PPP2R2A: variants seen among roughly 807,000 people sequenced by gnomAD.
The protein encoded by PPP2R2A is protein phosphatase 2 regulatory subunit Balpha.
In PPP2R2A, 9 loss-of-function variants were observed where a neutral mutation model predicts 53.2. The observed-to-expected ratio is 0.17, with a 90% CI of 0.10 to 0.30. The LOEUF (loss-of-function observed/expected upper bound fraction) is 0.30. Among genes scored for constraint, PPP2R2A ranks in the 10% least tolerant of loss-of-function variants. The pLI, the probability that PPP2R2A is intolerant of heterozygous loss-of-function variation, is 1.00. For missense variants in PPP2R2A, 235 were observed against 534.6 expected (o/e 0.44, Z 5.53); for synonymous variants, 169 against 174.2 (o/e 0.97, Z 0.23).
At chr8:26,340,266 T>C (rs1159350693) in intron 3 of PPP2R2A, among the ~76,000 whole-genome samples, 1 of 151,976 alleles carries the variant, frequency 6.6e-6, no homozygotes, top group African/African-American at 2.4e-5. Context: ...AGTCAAGATA[T>C]AAATAGATTA....
chr8:26,329,908 T>C (rs1803282054), intron 2 of PPP2R2A, among the ~76,000 whole-genome samples: 1 of 152,214 alleles, frequency 6.6e-6, no homozygotes, highest in Non-Finnish European at 1.5e-5. Context: ...TTTTGAGTTG[T>C]GGGTACCATA....
At position 26,321,075 on chromosome 8, in the gene PPP2R2A, TAACTA is replaced by T. The variant is rs1196981492; in HGVS notation, c.83-17807_83-17803del. 6.6e-6 allele frequency among the ~76,000 whole-genome samples: 1 copy of T among 152,164 alleles called. No homozygotes were observed. Among genetic ancestry groups the T allele is most frequent in the African/African-American group, 2.4e-5 (1 of 41,430 alleles). On this transcript the variant is annotated intron_variant, in intron 2 of 9. Transcript: ENST00000380737. This position sits in a 1 kb window ranked among gnomAD's most constrained non-coding sequence, Gnocchi z 4.1. ...CCTTGGAAACCCTGGAACGGTGCCA[TAACTA>T]AACTAAAAAAATTTTAGCAGGAAAC...
At chr8:26,299,346 A>G (rs1801681064) in intron 2 of PPP2R2A, among the ~76,000 whole-genome samples, 3 of 152,272 alleles carry the variant, frequency 2.0e-5, no homozygotes, top group Non-Finnish European at 1.5e-5. Context: ...AGTAATCTTA[A>G]AATATCAGAT....
chr8:26,304,615 C>T (rs1341027841), intron 2 of PPP2R2A, among the ~76,000 whole-genome samples: 2 of 152,208 alleles, frequency 1.3e-5, no homozygotes, highest in South Asian at 2.1e-4. Context: ...TTCCTGCTTA[C>T]CACAAGGTAA....
At chr8:26,340,767 TGTA>T (rs1398474676) in intron 3 of PPP2R2A, among the ~76,000 whole-genome samples, 4 of 152,122 alleles carry the variant, frequency 2.6e-5, no homozygotes, top group East Asian at 1.9e-4. Context: ...GGTTTAGTAA[TGTA>T]GTCAGAATAT....
Position 26,354,365 on chromosome 8 carries a change from A to G in PPP2R2A, c.181-103A>G. On this transcript the variant is annotated intron_variant, in intron 3 of 9. Coordinates refer to ENST00000380737, the MANE Select transcript of PPP2R2A (RefSeq NM_002717.4). The surrounding 1 kb of genome is among the most constrained non-coding windows in gnomAD (Gnocchi z 4.6). The stretch of plus-strand genomic sequence containing the variant: ...ATGTAATTGTATAAAGACACAACTA[A>G]TGGGGTATTGAGAATGTGCAGGGTC... 7.0e-6 allele frequency: 6 copies of G among 862,808 alleles called. No individual in the cohort carries two copies. The highest frequency in any genetic ancestry group is 9.9e-6 in the Non-Finnish European group (6 of 603,372). The allele number at this position is 862,808 out of a possible 1,614,324, so 53.4% of individuals were successfully genotyped here.
chr8:26,293,418 G>A, intron 1 of PPP2R2A: 2 of 789,186 alleles, frequency 2.5e-6, no homozygotes, highest in South Asian at 1.8e-5. Flanking sequence ...GGAAGTTTGT[G>A]AACAGATGTT....
intron 3 of PPP2R2A, among the ~76,000 whole-genome samples, chr8:26,343,748 G>C (rs1004974168): frequency 1.3e-5 from 2 of 152,242 alleles, no homozygotes; most frequent in African/African-American, 4.8e-5. Context: ...ATTCATAATT[G>C]AGTAATATAT....
At chr8:26,353,610 C>T (rs993971484) in intron 3 of PPP2R2A, among the ~76,000 whole-genome samples, 6 of 152,006 alleles carry the variant, frequency 3.9e-5, no homozygotes, top group South Asian at 2.1e-4. Flanking sequence ...TGTTTTTAAT[C>T]GTGTGATAAT....
intron 9 of PPP2R2A, among the ~76,000 whole-genome samples, chr8:26,367,429 AT>A (rs1273701382): frequency 6.6e-6 from 1 of 152,218 alleles, no homozygotes; most frequent in Non-Finnish European, 1.5e-5. Flanking sequence ...ATGTTCTATT[AT>A]CAGAAAAAAA....
At chr8:26,335,820 A>G (rs1408973991) in intron 2 of PPP2R2A, among the ~76,000 whole-genome samples, 1 of 152,184 alleles carries the variant, frequency 6.6e-6, no homozygotes, top group Non-Finnish European at 1.5e-5. Context: ...CCCTCTTAAA[A>G]TTCTTTACCT....
At chr8:26,349,915 C>CA (rs1804409575) in intron 3 of PPP2R2A, among the ~76,000 whole-genome samples, 1 of 152,188 alleles carries the variant, frequency 6.6e-6, no homozygotes, top group South Asian at 2.1e-4. Context: ...TGTTAGCAGA[C>CA]ATCACAGTAA....
chr8:26,304,386 A>G (rs1364090239), intron 2 of PPP2R2A, among the ~76,000 whole-genome samples: 1 of 152,112 alleles, frequency 6.6e-6, no homozygotes, highest in African/African-American at 2.4e-5. Flanking sequence ...TCAGAAGGAA[A>G]TTTAAGTTTT....
Position 26,360,172 on chromosome 8 carries a change from A to G in PPP2R2A, c.350A>G (p.Lys117Arg). 1 of 1,571,000 alleles carries G rather than the reference A, an allele frequency of 6.4e-7. No individual in the cohort carries two copies. The highest frequency in any genetic ancestry group is 8.7e-7 in the Non-Finnish European group (1 of 1,147,292). Residue 117 changes from lysine to arginine, a missense_variant, in exon 5 of 10, where the codon AAA becomes AGA. Lys to Arg is a conservative substitution (Grantham distance 26, BLOSUM62 2). This residue lies in a region of PPP2R2A where 181 missense variants were observed against 409.9 expected (regional missense o/e 0.44). Coordinates refer to ENST00000380737, the MANE Select transcript of PPP2R2A (RefSeq NM_002717.4). This position sits in a 1 kb window ranked among gnomAD's most constrained non-coding sequence, Gnocchi z 4.5. ...AAQFLLSTND[K>R]TIKLWKISER... ...CTTTTCTTTATTTTCTTCCCAGATA[A>G]AACAATAAAATTATGGAAAATCAGT...
In PPP2R2A at chr8:26,372,573, A is replaced by G. The variant is rs1374703926; in HGVS notation, c.*2160A>G. ...ATTATAAATTATTGTTAACATTCTC[A>G]AGTATTAATTTTTTAATTTCATTGG... On this transcript the variant is annotated 3_prime_UTR_variant, in exon 10 of 10. Coordinates refer to ENST00000380737, the MANE Select transcript of PPP2R2A (RefSeq NM_002717.4). 2 of 152,210 alleles carry G rather than the reference A, an allele frequency of 1.3e-5. No individual in the cohort carries two copies. Among genetic ancestry groups the G allele is most frequent in the Admixed American group, 6.5e-5 (1 of 15,280 alleles). The allele number at this position is 152,210 out of a possible 1,614,324, so 9.4% of individuals were successfully genotyped here. A position where few individuals can be genotyped will look rare whatever the true frequency, so the allele number is the denominator to read the frequency against.
At chr8:26,326,466 G>A (rs544779504) in intron 2 of PPP2R2A, among the ~76,000 whole-genome samples, 69 of 152,210 alleles carry the variant, frequency 4.5e-4, no homozygotes, top group African/African-American at 1.3e-3. Flanking sequence ...TCAGTTTGTG[G>A]GTGAACTAGA....
chr8:26,371,715 T>G lies in PPP2R2A; in HGVS notation c.*1302T>G, dbSNP rs928084645. On this transcript the variant is annotated 3_prime_UTR_variant, in exon 10 of 10. Coordinates refer to ENST00000380737, the MANE Select transcript of PPP2R2A (RefSeq NM_002717.4). ...TTCCAAAGCTATATGAAAGACAAAT[T>G]TTTAAAGGTACAGCGTTCAAAAAGT... 5.9e-5 allele frequency: 9 copies of G among 152,208 alleles called. No homozygotes were observed. The highest frequency in any genetic ancestry group is 1.3e-4 in the Non-Finnish European group (9 of 68,038). The allele number at this position is 152,208 out of a possible 1,614,324, so 9.4% of individuals were successfully genotyped here. A position where few individuals can be genotyped will look rare whatever the true frequency, so the allele number is the denominator to read the frequency against.
In PPP2R2A at chr8:26,360,385, C is replaced by A; in HGVS notation, c.459+104C>A. 1 of 616,226 alleles carries A rather than the reference C, an allele frequency of 1.6e-6. No individual in the cohort carries two copies. Among genetic ancestry groups the A allele is most frequent in the East Asian group, 2.7e-5 (1 of 36,816 alleles). The allele number at this position is 616,226 out of a possible 1,614,324, so 38.2% of individuals were successfully genotyped here. A position where few individuals can be genotyped will look rare whatever the true frequency, so the allele number is the denominator to read the frequency against. ...TAGGAATAATTACAGTCTATCTCCC[C>A]TTTCCCAGTAATTCTGTAATCAGGT... On this transcript the variant is annotated intron_variant, in intron 5 of 9. Coordinates refer to ENST00000380737, the MANE Select transcript of PPP2R2A (RefSeq NM_002717.4). This position sits in a 1 kb window ranked among gnomAD's most constrained non-coding sequence, Gnocchi z 4.5.
intron 3 of PPP2R2A, among the ~76,000 whole-genome samples, chr8:26,351,029 T>G (rs554432699): frequency 6.6e-6 from 1 of 152,182 alleles, no homozygotes; most frequent in African/African-American, 2.4e-5. Flanking sequence ...CCCACACATT[T>G]GTTAGAAGTA....
Sources: gnomAD v4.1 joint callset for allele counts (sites outside exome capture counted in the v4.1 genomes callset) on GRCh38, gnomAD v4.1.1 for gene constraint, gnomAD v4.1.1 regional missense constraint, Gnocchi (gnomAD v3.1) non-coding constraint, MANE v1.5 for transcripts, NCBI Gene and HGNC (gene_info 2026-07-23, HGNC 2026-07-21) for gene names.